Variants in ANKRD27 observed in about 807,000 individuals in gnomAD.
The protein encoded by ANKRD27 is ankyrin repeat domain 27, also known as ankyrin repeat domain-containing protein 27.
Under a neutral mutation model 129.7 loss-of-function variants are expected in ANKRD27, and 112 were observed. The observed-to-expected ratio is 0.86, with a 90% CI of 0.74 to 1.01. ANKRD27 has a LOEUF of 1.01. Among genes scored for constraint, ANKRD27 ranks in the 50% least tolerant of loss-of-function variants. The probability of loss-of-function intolerance (pLI) is 0.00; values close to 1 mark genes in which losing one functional copy is unlikely to be tolerated. For synonymous variants in ANKRD27, 516 were observed against 511.2 expected, an observed-to-expected ratio of 1.01 and a Z score of -0.13; for missense variants, 1,258 against 1,300.5, an observed-to-expected ratio of 0.97 and a Z score of 0.50.
intron 3 of ANKRD27, among the ~76,000 whole-genome samples, chr19:32,649,474 G>A (rs551486940): frequency 6.6e-6 from 1 of 152,036 alleles, no homozygotes; most frequent in South Asian, 2.1e-4. Context: ...CGGCCTCCAA[G>A]ACAGCAGCTG....
At chr19:32,656,256 G>C (rs1212780159) in intron 2 of ANKRD27, among the ~76,000 whole-genome samples, 2 of 152,078 alleles carry the variant, frequency 1.3e-5, no homozygotes, top group East Asian at 3.8e-4. Flanking sequence ...GTTCTAAAAA[G>C]CTGGATAAAG....
chr19:32,653,891 G>C (rs1967470215), intron 2 of ANKRD27, among the ~76,000 whole-genome samples: 1 of 152,218 alleles, frequency 6.6e-6, no homozygotes, highest in Non-Finnish European at 1.5e-5. Context: ...GGAGACACAT[G>C]GTTTTTTTTG....
At chr19:32,644,197 G>A in intron 5 of ANKRD27, 128 bp downstream of exon 5, 1 of 1,142,558 alleles carries the variant, frequency 8.8e-7, no homozygotes, top group South Asian at 1.6e-5. Context: ...TAGTTAGAGA[G>A]AAACATTTTT....
rs539730696 is a variant in ANKRD27 at position 32,616,761 on chromosome 19, C to T, written c.2052+828G>A. Among the ~76,000 whole-genome samples the T allele has an allele frequency of 4.6e-5, 7 of 152,270 alleles. No individual in the cohort carries two copies. In the South Asian group the frequency reaches 1.2e-3, roughly 27 times the overall value. On this transcript the variant is annotated intron_variant, in intron 21 of 28. Coordinates refer to ENST00000306065, the MANE Select transcript of ANKRD27 (RefSeq NM_032139.3). ...CAGGGCTGGCGGCTCCATCTTTATCCAGATACCTGCTTATGACTCCTCAGA... is the reference window on the plus strand; with the variant it reads ...CAGGGCTGGCGGCTCCATCTTTATCTAGATACCTGCTTATGACTCCTCAGA...
chr19:32,641,900 T>C, intron 10 of ANKRD27, 124 bp downstream of exon 10: 1 of 1,198,950 alleles, frequency 8.3e-7, no homozygotes, highest in Non-Finnish European at 1.1e-6. Flanking sequence ...CCCAAAGCAC[T>C]GGGGTTACAG....
intron 2 of ANKRD27, among the ~76,000 whole-genome samples, chr19:32,653,554 G>C (rs944349559): frequency 1.3e-5 from 2 of 152,154 alleles, no homozygotes; most frequent in Non-Finnish European, 2.9e-5. Flanking sequence ...TTTAGAAGCA[G>C]TGGGGTTGTC....
chr19:32,660,632 C>T (rs936245109), intron 1 of ANKRD27, among the ~76,000 whole-genome samples: 1 of 152,206 alleles, frequency 6.6e-6, no homozygotes, highest in African/African-American at 2.4e-5. Context: ...ATCCAACCTG[C>T]AGGATCTTCA....
intron 3 of ANKRD27, among the ~76,000 whole-genome samples, chr19:32,647,239 G>A (rs1053154872): frequency 1.3e-5 from 2 of 152,164 alleles, no homozygotes; most frequent in African/African-American, 2.4e-5. Context: ...CTCTCCCTCC[G>A]TGTGTTTGGG....
chr19:32,615,236 A>C (rs752287297), intron 22 of ANKRD27, among the ~76,000 whole-genome samples: 1 of 152,250 alleles, frequency 6.6e-6, no homozygotes, highest in Non-Finnish European at 1.5e-5. Context: ...ATTCACAGAC[A>C]TGCAGTACAG....
intron 1 of ANKRD27, among the ~76,000 whole-genome samples, chr19:32,659,698 A>G (rs12459846): frequency 0.093 from 14,156 of 152,166 alleles, 825 homozygotes; most frequent in East Asian, 0.26. Flanking sequence ...ACCTAGCACC[A>G]GAATTAAGGA....
chr19:32,625,857 C>A lies in ANKRD27; in HGVS notation c.1629+17G>T. On this transcript the variant is annotated intron_variant, in intron 17 of 28. Coordinates refer to ENST00000306065, the MANE Select transcript of ANKRD27 (RefSeq NM_032139.3). ...AAGGGTGAACGCAGCCCCCCCGGAACAGCAAGAGCCACTCACGTCCTCGTG... is the reference window on the plus strand; with the variant it reads ...AAGGGTGAACGCAGCCCCCCCGGAAAAGCAAGAGCCACTCACGTCCTCGTG... 6.4e-7 allele frequency: 1 copy of A among 1,561,586 alleles called. No homozygotes were observed. The highest frequency in any genetic ancestry group is 2.3e-5 in the East Asian group (1 of 43,178).
At chr19:32,673,323 C>T in intron 1 of ANKRD27, 2 of 985,906 alleles carry the variant, frequency 2.0e-6, no homozygotes, top group Non-Finnish European at 2.4e-6. Flanking sequence ...TCCCATCCTG[C>T]ATCCCCTCCT....
chr19:32,598,123 G>A lies in ANKRD27; in HGVS notation c.*22C>T. 2.5e-6 allele frequency: 4 copies of A among 1,604,176 alleles called. No individual in the cohort carries two copies. Among genetic ancestry groups the A allele is most frequent in the South Asian group, 2.2e-5 (2 of 90,872 alleles). On this transcript the variant is annotated 3_prime_UTR_variant, in exon 29 of 29. Coordinates refer to ENST00000306065, the MANE Select transcript of ANKRD27 (RefSeq NM_032139.3). The stretch of plus-strand genomic sequence containing the variant: ...TTGCATCCTTGCTTCCTAGCAGTGG[G>A]TTCAACAACTCCTCATTCCTGTTAG...
chr19:32,607,789 G>A lies in ANKRD27; in HGVS notation c.2219C>T (p.Thr740Ile). Residue 740 changes from threonine (T) to isoleucine (I), a missense_variant, in exon 23 of 29, where the codon ACC (threonine) becomes ATC (isoleucine). Thr to Ile is a moderately conservative substitution (Grantham distance 89). Coordinates refer to ENST00000306065, the MANE Select transcript of ANKRD27 (RefSeq NM_032139.3). ...CAGCGGGGAGGAGCCGTCCTGGCTG[G>A]TCACGTTCACACCAAGCCCACTGGC... ...VPASGLGVNV[T>I]SQDGSSPLHV... 6.2e-7 allele frequency: 1 copy of A among 1,611,192 alleles called. No homozygotes were observed. Among genetic ancestry groups the A allele is most frequent in the Non-Finnish European group, 8.5e-7 (1 of 1,179,062 alleles).
chr19:32,611,534 C>G (rs749233873), intron 22 of ANKRD27, among the ~76,000 whole-genome samples: 4 of 152,174 alleles, frequency 2.6e-5, no homozygotes, highest in Non-Finnish European at 4.4e-5. Flanking sequence ...GTAAAATTAT[C>G]CTACAATATA....
At chr19:32,638,930 T>C (rs1481108728) in intron 12 of ANKRD27, 1 of 266,536 alleles carries the variant, frequency 3.8e-6, no homozygotes, top group East Asian at 6.8e-5. Context: ...GCCAAGAGCG[T>C]GAAATGAGCC....
At chr19:32,659,448 T>A (rs1263925278) in intron 1 of ANKRD27, among the ~76,000 whole-genome samples, 2 of 152,128 alleles carry the variant, frequency 1.3e-5, no homozygotes, top group African/African-American at 4.8e-5. Flanking sequence ...CATTTTTTTC[T>A]CCCACAGACT....
chr19:32,654,476 G>A (rs1274113209), intron 2 of ANKRD27, among the ~76,000 whole-genome samples: 6 of 152,156 alleles, frequency 3.9e-5, no homozygotes, highest in African/African-American at 9.7e-5. Flanking sequence ...CGAGATATTC[G>A]ACTTTTTCTT....
Position 32,604,330 on chromosome 19 carries a change from A to G in ANKRD27, c.2588T>C (p.Leu863Pro), listed in dbSNP as rs1408205619. 1 of 1,614,150 alleles carries G rather than the reference A, an allele frequency of 6.2e-7. No individual in the cohort carries two copies. The highest frequency in any genetic ancestry group is 1.7e-5 in the Admixed American group (1 of 60,022). ...CACCTGAACTGACGCTCCGTGGAGC[A>G]GAAGCAGCTCTACCACGAAGACGTG... ...EKHVFVVELL[L>P]LHGASVQVLN... The change falls in exon 25 of 29, where the codon CTG becomes CCG. Residue 863 changes from leucine to proline, a missense_variant. Transcript: ENST00000306065.
Sources: allele counts gnomAD v4.1 joint callset (sites outside exome capture counted in the v4.1 genomes callset), GRCh38; gene constraint gnomAD v4.1.1; transcripts MANE v1.5; gene names NCBI Gene and HGNC (gene_info 2026-07-23, HGNC 2026-07-21).